NEK5: variants seen among roughly 807,000 people sequenced by gnomAD.
NEK5 encodes the protein NIMA related kinase 5, also known as serine/threonine-protein kinase Nek5.
NEK5 carries 88 observed loss-of-function variants against 109.2 expected under a neutral mutation model. The observed-to-expected ratio is 0.81, with a 90% confidence interval of 0.68 to 0.96. NEK5 has a LOEUF of 0.96. Among genes scored for constraint, NEK5 ranks in the 40% least tolerant of loss-of-function variants. The probability of loss-of-function intolerance (pLI) is 0.00; values close to 1 mark genes in which losing one functional copy is unlikely to be tolerated. For missense variants in NEK5, 834 were observed against 920.7 expected, an observed-to-expected ratio of 0.91 and a Z score of 1.22; for synonymous variants, 283 against 299.9, an observed-to-expected ratio of 0.94 and a Z score of 0.58.
At chr13:52,045,488 G>A (rs1028775665) in intron 23 of NEK5, among the ~76,000 whole-genome samples, 7 of 150,386 alleles carry the variant, frequency 4.7e-5, no homozygotes, top group Admixed American at 2.0e-4. Context: ...GTTGGGGGCC[G>A]AGCACGGTGG....
At chr13:52,090,329 CAG>C (rs1444946664) in intron 13 of NEK5, among the ~76,000 whole-genome samples, 1 of 152,160 alleles carries the variant, frequency 6.6e-6, no homozygotes, top group Non-Finnish European at 1.5e-5. Flanking sequence ...GCTCCAAAGA[CAG>C]AACTGTAATT....
intron 11 of NEK5, among the ~76,000 whole-genome samples, chr13:52,100,830 A>C (rs542505082): frequency 6.6e-6 from 1 of 152,306 alleles, no homozygotes; most frequent in Non-Finnish European, 1.5e-5. Context: ...GGTATACAAC[A>C]ATGTTAGTCA....
At position 52,119,405 on chromosome 13, in the gene NEK5, T is replaced by C; in HGVS notation, c.128A>G (p.Gln43Arg). The C allele has an allele frequency of 6.3e-7, 1 of 1,577,466 alleles. No individual in the cohort carries two copies. Among genetic ancestry groups the C allele is most frequent in the Non-Finnish European group, 8.7e-7 (1 of 1,150,326 alleles). Residue 43 changes from glutamine to arginine, a missense_variant, in exon 4 of 24, where the codon CAA becomes CGA. Around this residue, in one of 2 missense-constraint regions of NEK5, gnomAD observed 777 missense variants for 824.7 expected, o/e 0.94. Transcript: ENST00000684899. The part of the protein sequence containing the change: ...KEINFEKMPI[Q>R]EKEASKKEVI... ...TTCTTTCTTTGAAGCTTCTTTTTCT[T>C]GTATGGGCATCTAAATTACATTAAG...
intron 4 of NEK5, among the ~76,000 whole-genome samples, chr13:52,113,693 A>G (rs1955798934): frequency 2.0e-5 from 3 of 151,184 alleles, no homozygotes. Context: ...ATGTTAAAAT[A>G]TGTCTGTATA....
intron 22 of NEK5, among the ~76,000 whole-genome samples, chr13:52,058,161 GACAA>G (rs1372488557): frequency 3.7e-5 from 5 of 134,372 alleles, no homozygotes; most frequent in Admixed American, 7.9e-5. Flanking sequence ...ACCAACAACA[GACAA>G]ACAGAGAGCC....
At chr13:52,064,593 G>T (rs1162784412) in intron 21 of NEK5, among the ~76,000 whole-genome samples, 1 of 152,152 alleles carries the variant, frequency 6.6e-6, no homozygotes, top group Admixed American at 6.5e-5. Flanking sequence ...GAGCCCCTCT[G>T]CCCGGCCACC....
rs1375654887 is a variant in NEK5, at chr13:52,043,463, G to A, written c.2229-6245C>T. 6.1e-5 allele frequency among the ~76,000 whole-genome samples: 9 copies of A among 148,396 alleles called. No individual in the cohort carries two copies. The South Asian group carries it at 1.7e-3, about 28-fold the overall frequency. On this transcript the variant is annotated intron_variant, in intron 23 of 23. Transcript: ENST00000684899. ...GAGGCAGAGAATTGGCTTGAACCCC[G>A]GAGGCAGAGGTTGCAGTGAGCCGAG...
intron 20 of NEK5, among the ~76,000 whole-genome samples, chr13:52,071,477 A>G (rs1954782516): frequency 6.6e-6 from 1 of 152,210 alleles, no homozygotes; most frequent in Admixed American, 6.5e-5. Flanking sequence ...GTATCTCTGT[A>G]CTTTAATAAA....
intron 20 of NEK5, among the ~76,000 whole-genome samples, chr13:52,070,263 G>A (rs538613274): frequency 4.6e-5 from 7 of 152,294 alleles, no homozygotes; most frequent in Non-Finnish European, 8.8e-5. Flanking sequence ...GGTCACAGCA[G>A]AATTAGGCCA....
chr13:52,055,292 G>A lies in NEK5; in HGVS notation c.2111-5071C>T, dbSNP rs556385466. ...CGAGCAAAGCCTCCAAGAAATATGG[G>A]ACTATGTGAAAAGACCAAATCTACG... On this transcript the variant is annotated intron_variant, in intron 22 of 23. Coordinates refer to ENST00000684899, the MANE Select transcript of NEK5 (RefSeq NM_001365552.1). 6.5e-3 allele frequency among the ~76,000 whole-genome samples: 988 copies of A among 152,216 alleles called. 14 individuals carry two copies. The highest frequency in any genetic ancestry group is 0.023 in the African/African-American group (938 of 41,530).
chr13:52,037,815 C>T (rs908137854), intron 23 of NEK5, among the ~76,000 whole-genome samples: 4 of 151,742 alleles, frequency 2.6e-5, no homozygotes, highest in Non-Finnish European at 4.4e-5. Context: ...CCCAGCTACT[C>T]GGGAGGCTGA....
rs1954516113 is a variant in NEK5, at chr13:52,052,518, C to A, written c.2111-2297G>T. ...CAGCCTCAGGGGAACGTATTTGCAG[C>A]AAGGAGCACAGACTCATGGTGTTTC... On this transcript the variant is annotated intron_variant, in intron 22 of 23. Coordinates refer to ENST00000684899, the MANE Select transcript of NEK5 (RefSeq NM_001365552.1). Among the ~76,000 whole-genome samples, 3 of 152,276 alleles carry A rather than the reference C, an allele frequency of 2.0e-5. No individual in the cohort carries two copies. In the South Asian group the frequency reaches 6.2e-4, roughly 32 times the overall value.
chr13:52,126,716 T>C (rs1956069703), intron 3 of NEK5, among the ~76,000 whole-genome samples: 3 of 152,094 alleles, frequency 2.0e-5, no homozygotes, highest in African/African-American at 7.2e-5. Flanking sequence ...GAGGTGGAGA[T>C]TGCAGTGAGC....
intron 16 of NEK5, among the ~76,000 whole-genome samples, chr13:52,084,540 TTTTAC>T (rs1199615230): frequency 6.6e-6 from 1 of 151,958 alleles, no homozygotes; most frequent in Non-Finnish European, 1.5e-5. Context: ...TTTCATTTTA[TTTTAC>T]TTTATTTTTT....
chr13:52,108,432 A>AT, intron 7 of NEK5, 28 bp from the exon 8 acceptor site: 10 of 1,404,840 alleles, frequency 7.1e-6, no homozygotes, highest in Non-Finnish European at 1.0e-5. Flanking sequence ...ATAATAAATC[A>AT]GCATGATTTT....
chr13:52,094,774 A>G (rs1955368546), intron 12 of NEK5, among the ~76,000 whole-genome samples: 1 of 152,230 alleles, frequency 6.6e-6, no homozygotes, highest in East Asian at 1.9e-4. Context: ...ACTCCGTCTC[A>G]AAAAAAGAAA....
Position 52,110,339 on chromosome 13 carries a change from C to A in NEK5, c.467+1G>T. On this transcript the variant is annotated splice_donor_variant, in intron 7 of 23. Coordinates refer to ENST00000684899, the MANE Select transcript of NEK5 (RefSeq NM_001365552.1). LOFTEE classifies it high-confidence loss of function. ...AGAAAAATTATTTTCAAAGTACTTA[C>A]TTATTCAGGACTCTTGCTATACCAA... 6.3e-7 allele frequency: 1 copy of A among 1,599,070 alleles called. No homozygotes were observed. Among genetic ancestry groups the A allele is most frequent in the Non-Finnish European group, 8.6e-7 (1 of 1,166,608 alleles).
intron 7 of NEK5, 74 bp downstream of exon 7, chr13:52,110,266 T>C (rs1026651581): frequency 2.2e-5 from 21 of 968,488 alleles, no homozygotes; most frequent in Non-Finnish European, 3.3e-5. Context: ...TAATATCTTC[T>C]TAATCCATGA....
chr13:52,123,045 A>T (rs111611842), intron 3 of NEK5, among the ~76,000 whole-genome samples: 1 of 152,174 alleles, frequency 6.6e-6, no homozygotes, highest in African/African-American at 2.4e-5. Flanking sequence ...TGGTAGGATG[A>T]TAAGAGAAAT....
Sources: allele counts gnomAD v4.1 joint callset (sites outside exome capture counted in the v4.1 genomes callset), GRCh38; gene constraint gnomAD v4.1.1; regional missense constraint gnomAD v4.1.1; transcripts MANE v1.5; gene names NCBI Gene and HGNC (gene_info 2026-07-23, HGNC 2026-07-21).